Variants in PDE11A observed in about 807,000 individuals in gnomAD.
The protein encoded by PDE11A is phosphodiesterase 11A.
In PDE11A, 100 loss-of-function variants were observed where a neutral mutation model predicts 100.5. That is an observed-to-expected ratio of 1.00 (90% CI 0.85 to 1.18). The LOEUF is 1.18. Ranked by LOEUF, PDE11A falls within the 50% of genes most tolerant of loss-of-function variation. The probability of loss-of-function intolerance (pLI) is 0.00; values close to 1 mark genes in which losing one functional copy is unlikely to be tolerated. For missense variants in PDE11A, 1,141 were observed against 1,152.6 expected, an observed-to-expected ratio of 0.99 and a Z score of 0.15; for synonymous variants, 381 against 420.8, an observed-to-expected ratio of 0.91 and a Z score of 1.16.
chr2:177,785,302 A>G (rs2082516333), intron 9 of PDE11A, among the ~76,000 whole-genome samples: 1 of 128,516 alleles, frequency 7.8e-6, no homozygotes, highest in Admixed American at 7.1e-5. Context: ...GGAGAGAACC[A>G]GAAAAAAAAC....
chr2:177,804,768 G>A (rs1373911914), intron 9 of PDE11A, among the ~76,000 whole-genome samples: 1 of 151,868 alleles, frequency 6.6e-6, no homozygotes, highest in Non-Finnish European at 1.5e-5. Flanking sequence ...ATGAAACTAT[G>A]TCTTTTGCAG....
chr2:177,815,760 A>G (rs1389254961), intron 9 of PDE11A, among the ~76,000 whole-genome samples: 1 of 152,168 alleles, frequency 6.6e-6, no homozygotes, highest in East Asian at 1.9e-4. Flanking sequence ...GGTAACATCA[A>G]TTTGCCTACT....
At chr2:177,742,853 G>A (rs1389677193) in intron 10 of PDE11A, among the ~76,000 whole-genome samples, 2 of 152,224 alleles carry the variant, frequency 1.3e-5, no homozygotes, top group East Asian at 1.9e-4. Flanking sequence ...TAGAGGTAAT[G>A]GAGGTTCTGA....
At chr2:178,005,966 C>T (rs934537537) in intron 2 of PDE11A, among the ~76,000 whole-genome samples, 1 of 152,138 alleles carries the variant, frequency 6.6e-6, no homozygotes, top group Non-Finnish European at 1.5e-5. Context: ...GCTAGGGAAG[C>T]AGGAAATTAC....
At chr2:177,630,952 T>C (rs959573342) in intron 19 of PDE11A, among the ~76,000 whole-genome samples, 7 of 152,284 alleles carry the variant, frequency 4.6e-5, no homozygotes, top group African/African-American at 1.7e-4. Context: ...TGGGGGGTTG[T>C]TTTAAAAATA....
intron 5 of PDE11A, among the ~76,000 whole-genome samples, chr2:177,869,475 C>T (rs74408655): frequency 8.9e-4 from 135 of 152,300 alleles, no homozygotes; most frequent in East Asian, 4.1e-3. Context: ...AACATGTCTC[C>T]GACTTTTCCC....
chr2:177,701,505 T>C (rs1047609797), intron 13 of PDE11A, among the ~76,000 whole-genome samples: 1 of 152,014 alleles, frequency 6.6e-6, no homozygotes, highest in Admixed American at 6.6e-5. Flanking sequence ...GTAAGAAAGA[T>C]GAGATGAGAT....
chr2:177,850,415 C>T (rs1264249075), intron 5 of PDE11A, among the ~76,000 whole-genome samples: 1 of 152,056 alleles, frequency 6.6e-6, no homozygotes, highest in East Asian at 1.9e-4. Context: ...AATGTTAGAC[C>T]TAAAACCATA....
At chr2:177,787,328 A>G (rs1466042815) in intron 9 of PDE11A, among the ~76,000 whole-genome samples, 1 of 151,238 alleles carries the variant, frequency 6.6e-6, no homozygotes, top group Non-Finnish European at 1.5e-5. Context: ...CTTTACAGAC[A>G]AGCAAATGCT....
intron 2 of PDE11A, among the ~76,000 whole-genome samples, chr2:177,966,807 G>A (rs2085703540): frequency 6.6e-6 from 1 of 152,114 alleles, no homozygotes; most frequent in Non-Finnish European, 1.5e-5. Flanking sequence ...ATGTATGCCT[G>A]AAATTTTCTT....
At chr2:177,920,560 A>G (rs2085025255) in intron 2 of PDE11A, among the ~76,000 whole-genome samples, 1 of 152,182 alleles carries the variant, frequency 6.6e-6, no homozygotes, top group Admixed American at 6.5e-5. Flanking sequence ...GCATTCTCAT[A>G]TAATTATTGA....
At chr2:177,848,160 A>T (rs1445423238) in intron 5 of PDE11A, among the ~76,000 whole-genome samples, 1 of 152,212 alleles carries the variant, frequency 6.6e-6, no homozygotes, top group East Asian at 1.9e-4. Flanking sequence ...TCATTTGTCC[A>T]TGTTTAATTT....
intron 15 of PDE11A, among the ~76,000 whole-genome samples, chr2:177,693,130 G>A (rs772849462): frequency 6.6e-6 from 1 of 152,184 alleles, no homozygotes; most frequent in Non-Finnish European, 1.5e-5. Context: ...TGTACGGGGA[G>A]CCTAATATCC....
chr2:177,818,820 T>C (rs771471312), intron 7 of PDE11A, among the ~76,000 whole-genome samples: 118 of 151,780 alleles, frequency 7.8e-4, no homozygotes, highest in Non-Finnish European at 4.4e-4. Context: ...AAATCAACTA[T>C]CTTGAAAACC....
At chr2:178,034,384 A>G (rs1281377847) in intron 1 of PDE11A, among the ~76,000 whole-genome samples, 1 of 152,244 alleles carries the variant, frequency 6.6e-6, no homozygotes, top group Non-Finnish European at 1.5e-5. Flanking sequence ...AGAAGTTCTT[A>G]GAGACTTACA....
At chr2:177,748,129 T>A (rs1249629017) in intron 10 of PDE11A, among the ~76,000 whole-genome samples, 1 of 152,210 alleles carries the variant, frequency 6.6e-6, no homozygotes, top group Admixed American at 6.5e-5. Context: ...ATAAGGGTCA[T>A]ACTTCTACTT....
At chr2:177,935,685 G>C (rs148635410) in intron 2 of PDE11A, among the ~76,000 whole-genome samples, 10 of 152,270 alleles carry the variant, frequency 6.6e-5, no homozygotes, top group Admixed American at 1.3e-4. Flanking sequence ...AGATCTGTTG[G>C]GGCAGGATGC....
intron 2 of PDE11A, among the ~76,000 whole-genome samples, chr2:177,962,852 AT>A (rs1267030459): frequency 6.7e-6 from 1 of 150,316 alleles, no homozygotes; most frequent in Non-Finnish European, 1.5e-5. Flanking sequence ...AAGAAAAAAA[AT>A]CTCAAAAAAA....
intron 1 of PDE11A, among the ~76,000 whole-genome samples, chr2:178,030,781 G>A (rs2086536042): frequency 6.6e-6 from 1 of 152,130 alleles, no homozygotes; most frequent in Admixed American, 6.6e-5. Context: ...GGGAGGCTGA[G>A]GTGCAGGGAT....
Sources: allele counts gnomAD v4.1 joint callset (sites outside exome capture counted in the v4.1 genomes callset), GRCh38; gene constraint gnomAD v4.1.1; transcripts MANE v1.5; gene names NCBI Gene and HGNC (gene_info 2026-07-23, HGNC 2026-07-21).